SYN3: variants seen among roughly 807,000 people sequenced by gnomAD.
The protein encoded by SYN3 is synapsin-3.
In SYN3, 35 loss-of-function variants were observed where a neutral mutation model predicts 65.8. The ratio of observed to expected loss-of-function variants is 0.53; its 90% CI spans 0.41 to 0.70. SYN3 has a LOEUF of 0.70. Among genes scored for constraint, SYN3 ranks in the 30% least tolerant of loss-of-function variants. The probability of loss-of-function intolerance (pLI) is 0.00; values close to 1 mark genes in which losing one functional copy is unlikely to be tolerated. For missense variants in SYN3, 680 were observed against 749.0 expected, an observed-to-expected ratio of 0.91 and a Z score of 1.08; for synonymous variants, 270 against 292.9, an observed-to-expected ratio of 0.92 and a Z score of 0.80.
intron 2 of SYN3, among the ~76,000 whole-genome samples, chr22:32,987,399 C>G (rs9619322): frequency 2.0e-5 from 3 of 152,084 alleles, no homozygotes; most frequent in Non-Finnish European, 2.9e-5. Context: ...GACCTTGGAA[C>G]GCAAAGGGAC....
chr22:32,809,265 T>C (rs540613942), intron 6 of SYN3, among the ~76,000 whole-genome samples: 20 of 152,234 alleles, frequency 1.3e-4, no homozygotes, highest in Non-Finnish European at 1.8e-4. Flanking sequence ...CAGTCTCTCA[T>C]ATAGACCAAG....
intron 4 of SYN3, among the ~76,000 whole-genome samples, chr22:32,892,149 A>G (rs1240950681): frequency 6.6e-6 from 1 of 152,058 alleles, no homozygotes; most frequent in Non-Finnish European, 1.5e-5. Flanking sequence ...ACAAAAAATT[A>G]GCCAGGCATG....
chr22:32,686,891 G>C (rs2060597710), intron 6 of SYN3, among the ~76,000 whole-genome samples: 1 of 151,990 alleles, frequency 6.6e-6, no homozygotes, highest in Non-Finnish European at 1.5e-5. Context: ...CACTGCACCT[G>C]GCCCAGCCGC....
At chr22:32,761,270 G>T (rs987818472) in intron 6 of SYN3, among the ~76,000 whole-genome samples, 5 of 152,208 alleles carry the variant, frequency 3.3e-5, no homozygotes, top group Admixed American at 2.6e-4. Flanking sequence ...TGGACTAGTT[G>T]ATTACCAAAA....
chr22:33,039,749 C>T (rs1419444953), intron 1 of SYN3, among the ~76,000 whole-genome samples: 2 of 151,988 alleles, frequency 1.3e-5, no homozygotes, highest in Non-Finnish European at 2.9e-5. Flanking sequence ...CTCTCAACAC[C>T]CCTCTCTCTT....
chr22:32,897,048 C>T (rs192876693), intron 4 of SYN3, among the ~76,000 whole-genome samples: 1 of 152,228 alleles, frequency 6.6e-6, no homozygotes, highest in Non-Finnish European at 1.5e-5. Context: ...ACATAGAGGA[C>T]TCTTTCTGGC....
At chr22:32,541,477 T>C in intron 8 of SYN3, 94 bp downstream of exon 8, 1 of 1,485,350 alleles carries the variant, frequency 6.7e-7, no homozygotes, top group Non-Finnish European at 9.3e-7. Flanking sequence ...AGGAGGATAA[T>C]GATGCACCCT....
At chr22:32,581,753 TTTTTCTTTTTCTTTTTC>T (rs1013526087) in intron 7 of SYN3, among the ~76,000 whole-genome samples, 2 of 139,150 alleles carry the variant, frequency 1.4e-5, no homozygotes, top group African/African-American at 5.1e-5. Flanking sequence ...ATTGATTCTT[TTTTTCTTTTTCTTTTTC>T]TTTTCTTTTC....
At chr22:32,602,285 C>T (rs1193467064) in intron 6 of SYN3, among the ~76,000 whole-genome samples, 2 of 152,192 alleles carry the variant, frequency 1.3e-5, no homozygotes, top group Non-Finnish European at 2.9e-5. Flanking sequence ...TGTATTCCTG[C>T]CCATCCCTCA....
chr22:32,825,442 C>A (rs920405749), intron 6 of SYN3, among the ~76,000 whole-genome samples: 1 of 151,764 alleles, frequency 6.6e-6, no homozygotes, highest in Non-Finnish European at 1.5e-5. Flanking sequence ...AGGTGGATCA[C>A]CAGGTCAGGA....
At position 32,849,028 on chromosome 22, in the gene SYN3, G is replaced by A. The variant is rs149184926; in HGVS notation, c.711+15887C>T. Among the ~76,000 whole-genome samples, 66 of 152,306 alleles carry A rather than the reference G, an allele frequency of 4.3e-4. 1 individual carries two copies. The East Asian group carries it at 0.011, about 25-fold the overall frequency. ...CATGCAAAGGAAGAGCCCCAAATGA[G>A]GTGGTTAGAAAGGGGTCCTAGTGGA... On this transcript the variant is annotated intron_variant, in intron 6 of 13. Coordinates refer to ENST00000358763, the MANE Select transcript of SYN3 (RefSeq NM_003490.4).
intron 1 of SYN3, among the ~76,000 whole-genome samples, chr22:33,051,655 G>T (rs1348685436): frequency 1.4e-5 from 2 of 147,758 alleles, no homozygotes; most frequent in African/African-American, 5.1e-5. Context: ...ACCTAGAAAA[G>T]TGCCCAAATA....
intron 6 of SYN3, among the ~76,000 whole-genome samples, chr22:32,601,489 G>C (rs1436689800): frequency 6.6e-6 from 1 of 152,226 alleles, no homozygotes; most frequent in Non-Finnish European, 1.5e-5. Context: ...GTGTTAGCCA[G>C]AATGGTCTGG....
At chr22:33,033,912 C>T (rs569623481) in intron 1 of SYN3, among the ~76,000 whole-genome samples, 11 of 152,090 alleles carry the variant, frequency 7.2e-5, no homozygotes, top group South Asian at 2.1e-4. Context: ...TAGCCAGGCA[C>T]GGTGGTTCAC....
chr22:32,791,813 A>G (rs553038282), intron 6 of SYN3, among the ~76,000 whole-genome samples: 2 of 152,036 alleles, frequency 1.3e-5, no homozygotes, highest in African/African-American at 4.8e-5. Context: ...AATATATGCA[A>G]ACTGCCTAGA....
At chr22:32,852,476 G>C (rs905677463) in intron 6 of SYN3, among the ~76,000 whole-genome samples, 2 of 152,306 alleles carry the variant, frequency 1.3e-5, no homozygotes, top group East Asian at 3.9e-4. Flanking sequence ...AGAGAGGCAA[G>C]CCTGCATGAG....
intron 1 of SYN3, among the ~76,000 whole-genome samples, chr22:33,020,134 C>T (rs1793452799): frequency 2.6e-5 from 4 of 152,122 alleles, no homozygotes; most frequent in Admixed American, 2.0e-4. Context: ...ACATAGAGGC[C>T]CCAAAGCATT....
At chr22:32,942,054 T>G (rs1171551361) in intron 3 of SYN3, among the ~76,000 whole-genome samples, 1 of 152,194 alleles carries the variant, frequency 6.6e-6, no homozygotes, top group Non-Finnish European at 1.5e-5. Flanking sequence ...AGCAGAAACC[T>G]CTGCAGTCTT....
At chr22:32,645,256 A>C in intron 6 of SYN3, among the ~76,000 whole-genome samples, 1 of 152,188 alleles carries the variant, frequency 6.6e-6, no homozygotes, top group Non-Finnish European at 1.5e-5. Context: ...GTTCGAGACC[A>C]GCCTGACCAA....
Sources: gnomAD v4.1 joint callset for allele counts (sites outside exome capture counted in the v4.1 genomes callset) on GRCh38, gnomAD v4.1.1 for gene constraint, MANE v1.5 for transcripts, NCBI Gene and HGNC (gene_info 2026-07-23, HGNC 2026-07-21) for gene names.